ZNF710: variants seen among roughly 807,000 people sequenced by gnomAD.
ZNF710 encodes zinc finger protein 710.
Under a neutral mutation model 50.6 loss-of-function variants are expected in ZNF710, and 13 were observed. That is an observed-to-expected ratio of 0.26 (90% CI 0.17 to 0.41). ZNF710 has a LOEUF of 0.41. Among genes scored for constraint, ZNF710 ranks in the 10% least tolerant of loss-of-function variants. The probability of loss-of-function intolerance (pLI) is 1.00; values close to 1 mark genes in which losing one functional copy is unlikely to be tolerated. For missense variants in ZNF710, 721 were observed against 936.6 expected (o/e 0.77, Z 3.01); for synonymous variants, 383 against 397.0 (o/e 0.96, Z 0.42).
intron 1 of ZNF710, among the ~76,000 whole-genome samples, chr15:90,020,538 A>G (rs947456913): frequency 6.6e-6 from 1 of 152,104 alleles, no homozygotes; most frequent in African/African-American, 2.4e-5. Flanking sequence ...GGTTACAAAA[A>G]ACAAAAACAC....
At chr15:90,026,203 C>T (rs1452133124) in intron 1 of ZNF710, among the ~76,000 whole-genome samples, 2 of 145,880 alleles carry the variant, frequency 1.4e-5, no homozygotes, top group African/African-American at 5.1e-5. Flanking sequence ...AGCCTAACCC[C>T]TGGCAATTCT....
intron 1 of ZNF710, among the ~76,000 whole-genome samples, chr15:90,009,144 C>T (rs1898231813): frequency 6.6e-6 from 1 of 151,512 alleles, no homozygotes; most frequent in African/African-American, 2.4e-5. Context: ...CATCCCGGAC[C>T]CCATCCCGTT....
At chr15:90,050,472 G>A (rs1040705721) in intron 1 of ZNF710, among the ~76,000 whole-genome samples, 6 of 152,172 alleles carry the variant, frequency 3.9e-5, no homozygotes, top group Admixed American at 3.9e-4. Flanking sequence ...GGGGGAAGGG[G>A]TCTTCCTAAT....
Position 90,015,046 on chromosome 15 carries a change from C to A in ZNF710, c.-29+13432C>A, listed in dbSNP as rs190009890. Among the ~76,000 whole-genome samples the A allele has an allele frequency of 3.0e-4, 45 of 152,244 alleles. No individual in the cohort carries two copies. The East Asian group carries it at 8.1e-3, about 27-fold the overall frequency. On this transcript the variant is annotated intron_variant, in intron 1 of 4. Coordinates refer to ENST00000268154, the MANE Select transcript of ZNF710 (RefSeq NM_198526.4). ...TAGCTGGGATTACAGGCATGCACCA[C>A]TACCCCAGCTAATTTTGTACTTTTA...
In ZNF710 at chr15:90,034,227, G is replaced by GAA. The variant is rs912849225; in HGVS notation, c.-29+32616_-29+32617dup. 5.3e-4 allele frequency among the ~76,000 whole-genome samples: 80 copies of GAA among 151,630 alleles called. 1 individual carries two copies. The highest frequency in any genetic ancestry group is 6.8e-3 in the Middle Eastern group (2 of 294). ...AAAAAGAAAAGAAAAGAAAAGAAAA[G>GAA]AAAACAGGTGAACGACAGTCACTCC... On this transcript the variant is annotated intron_variant, in intron 1 of 4. Coordinates refer to ENST00000268154, the MANE Select transcript of ZNF710 (RefSeq NM_198526.4). The surrounding 1 kb of genome is among the most constrained non-coding windows in gnomAD (Gnocchi z 4.0).
chr15:90,068,591 A>G lies in ZNF710; in HGVS notation c.1454A>G (p.His485Arg). The change falls in exon 2 of 5, where the codon CAC becomes CGC. Residue 485 changes from histidine (H) to arginine (R), a missense_variant. Transcript: ENST00000268154. The surrounding 1 kb of genome is among the most constrained non-coding windows in gnomAD (Gnocchi z 5.0). ...IHHLKQHSLT[H>R]KGVKEFKCEV... ...CACCTCAAGCAGCACTCCCTCACCC[A>G]CAAGGTAAGGCCGTTCCCAGGGCCT... is the stretch of plus-strand genomic sequence containing the variant. 1 of 1,594,106 alleles carries G rather than the reference A, an allele frequency of 6.3e-7. No homozygotes were observed. The highest frequency in any genetic ancestry group is 8.5e-7 in the Non-Finnish European group (1 of 1,172,866).
intron 1 of ZNF710, among the ~76,000 whole-genome samples, chr15:90,060,874 T>A (rs990977850): frequency 8.6e-5 from 13 of 151,942 alleles, no homozygotes; most frequent in Admixed American, 7.2e-4. Flanking sequence ...AATAAATAAA[T>A]AAAAAGTCAG....
rs898236042 is a variant in ZNF710, at chr15:90,068,771, T to C, written c.1458+176T>C. On this transcript the variant is annotated intron_variant, in intron 2 of 4. Transcript: ENST00000268154. This position sits in a 1 kb window ranked among gnomAD's most constrained non-coding sequence, Gnocchi z 5.0. ...ATTAGAAACTAATTGAAATTAGTTT[T>C]TTAAGTAGTAAAGCTTTATGCATTC... 5.3e-5 allele frequency among the ~76,000 whole-genome samples: 8 copies of C among 152,248 alleles called. No individual in the cohort carries two copies. The highest frequency in any genetic ancestry group is 1.0e-4 in the Non-Finnish European group (7 of 68,050).
At position 90,034,245 on chromosome 15, in the gene ZNF710, G is replaced by A. The variant is rs1899040801; in HGVS notation, c.-29+32631G>A. On this transcript the variant is annotated intron_variant, in intron 1 of 4. Transcript: ENST00000268154. The surrounding 1 kb of genome is among the most constrained non-coding windows in gnomAD (Gnocchi z 4.0). ...AAGAAAAGAAAACAGGTGAACGACA[G>A]TCACTCCTGGAGGGGTTCTTCTGCC... 6.6e-6 allele frequency among the ~76,000 whole-genome samples: 1 copy of A among 151,862 alleles called. No homozygotes were observed. The highest frequency in any genetic ancestry group is 1.5e-5 in the Non-Finnish European group (1 of 67,998).
chr15:90,043,654 G>A (rs893155381), intron 1 of ZNF710, among the ~76,000 whole-genome samples: 3 of 152,214 alleles, frequency 2.0e-5, no homozygotes, highest in African/African-American at 7.2e-5. Flanking sequence ...CATTGTCACC[G>A]TGATTGGCAC....
At chr15:90,013,308 G>T (rs920461902) in intron 1 of ZNF710, among the ~76,000 whole-genome samples, 1 of 152,148 alleles carries the variant, frequency 6.6e-6, no homozygotes, top group Non-Finnish European at 1.5e-5. Context: ...TCACCATGTT[G>T]GCCAGGCTGG....
At chr15:90,058,330 G>A (rs549905420) in intron 1 of ZNF710, among the ~76,000 whole-genome samples, 27 of 152,264 alleles carry the variant, frequency 1.8e-4, no homozygotes, top group African/African-American at 6.0e-4. Context: ...ATCTGCTCTT[G>A]CTAACTAATT....
intron 1 of ZNF710, among the ~76,000 whole-genome samples, chr15:90,028,091 A>T (rs1898831271): frequency 6.6e-6 from 1 of 152,224 alleles, no homozygotes; most frequent in Non-Finnish European, 1.5e-5. Context: ...TTTTTAAATT[A>T]GAAGAGTTTT....
At chr15:90,011,942 C>T (rs1718805408) in intron 1 of ZNF710, among the ~76,000 whole-genome samples, 1 of 152,218 alleles carries the variant, frequency 6.6e-6, no homozygotes, top group South Asian at 2.1e-4. Flanking sequence ...CGTGGTGGCT[C>T]ACGCCCGTAA....
chr15:90,057,102 T>TGCA lies in ZNF710; in HGVS notation c.-28-10007_-28-10005dup, dbSNP rs560175321. ...CCATGGCGCTCCTTTGTGTGTTCTT[T>TGCA]GCACATCTGCTCCTGTGGCTGATGG... On this transcript the variant is annotated intron_variant, in intron 1 of 4. Transcript: ENST00000268154. Among the ~76,000 whole-genome samples, 295 of 152,300 alleles carry TGCA rather than the reference T, an allele frequency of 1.9e-3. 1 individual carries two copies. Among genetic ancestry groups the TGCA allele is most frequent in the African/African-American group, 6.9e-3 (285 of 41,552 alleles).
At chr15:90,044,906 T>C (rs1454041240) in intron 1 of ZNF710, among the ~76,000 whole-genome samples, 1 of 152,130 alleles carries the variant, frequency 6.6e-6, no homozygotes, top group East Asian at 1.9e-4. Context: ...CCCTGCCTAC[T>C]CTTGAGGTGT....
intron 1 of ZNF710, among the ~76,000 whole-genome samples, chr15:90,019,141 A>G (rs1898537084): frequency 6.6e-6 from 1 of 151,396 alleles, no homozygotes; most frequent in South Asian, 2.1e-4. Flanking sequence ...TTTCAATTTC[A>G]AAAGATGAGA....
At position 90,034,427 on chromosome 15, in the gene ZNF710, C is replaced by CGTGT. The variant is rs1280140194; in HGVS notation, c.-28-32683_-28-32682insGTGT. On this transcript the variant is annotated intron_variant, in intron 1 of 4. Transcript: ENST00000268154. This position sits in a 1 kb window ranked among gnomAD's most constrained non-coding sequence, Gnocchi z 4.0. ...CAGCTGTCCTTCCTGTTTCCAAATTCCTGTGTGTGTGTGTGTGTGTGTGTG... is the reference window on the plus strand; with the variant it reads ...CAGCTGTCCTTCCTGTTTCCAAATTCGTGTCTGTGTGTGTGTGTGTGTGTGTGTG... Among the ~76,000 whole-genome samples, 56 of 113,622 alleles carry CGTGT rather than the reference C, an allele frequency of 4.9e-4. 1 individual carries two copies. The highest frequency in any genetic ancestry group is 4.7e-4 in the Non-Finnish European group (26 of 55,824). The allele number at this position is 113,622 out of a possible 152,430, so 74.5% of individuals were successfully genotyped here.
chr15:90,077,053 A>T (rs1900607266), intron 4 of ZNF710, among the ~76,000 whole-genome samples: 1 of 152,126 alleles, frequency 6.6e-6, no homozygotes, highest in South Asian at 2.1e-4. Context: ...ATGCAGAAGG[A>T]AGGCAGCATA....
Sources: gnomAD v4.1 joint callset for allele counts (sites outside exome capture counted in the v4.1 genomes callset) on GRCh38, gnomAD v4.1.1 for gene constraint, Gnocchi (gnomAD v3.1) non-coding constraint, MANE v1.5 for transcripts, NCBI Gene and HGNC (gene_info 2026-07-23, HGNC 2026-07-21) for gene names.